The following AHCYL2 variants were observed in gnomAD, a reference collection of about 807,000 sequenced individuals.
AHCYL2 encodes S-adenosylhomocysteine hydrolase-like protein 2.
AHCYL2 carries 28 observed loss-of-function variants against 81.4 expected under a neutral mutation model. That is an observed-to-expected ratio of 0.34 (90% CI 0.25 to 0.47). The LOEUF (loss-of-function observed/expected upper bound fraction) is 0.47, where lower values mean the gene tolerates loss of function less well. AHCYL2 is among the 20% of genes least tolerant of loss of function. The pLI, the probability that AHCYL2 is intolerant of heterozygous loss-of-function variation, is 1.00. For missense variants in AHCYL2, 551 were observed against 785.1 expected (o/e 0.70, Z 3.56); for synonymous variants, 272 against 290.2 (o/e 0.94, Z 0.64).
chr7:129,225,090 T>C lies in AHCYL2; in HGVS notation c.14T>C (p.Val5Ala), dbSNP rs776837151. The C allele has an allele frequency of 4.5e-5, 72 of 1,595,612 alleles. No homozygotes were observed. The highest frequency in any genetic ancestry group is 6.0e-5 in the Non-Finnish European group (70 of 1,172,492). MSVQ[V>A]VSAAAAAKVP... ...GCGGAGGCGGTGATGTCGGTGCAGG[T>C]TGTGTCAGCCGCGGCTGCCGCCAAG... The change falls in exon 1 of 17, where the codon GTT (valine) becomes GCT (alanine). Residue 5 changes from valine (V) to alanine (A), a missense_variant. Physicochemically the swap from Val to Ala is moderately conservative, Grantham distance 64. Around this residue, in one of 2 missense-constraint regions of AHCYL2, gnomAD observed 235 missense variants for 242.1 expected, o/e 0.97. Transcript: ENST00000325006.
intron 6 of AHCYL2, 74 bp from the exon 7 acceptor site, chr7:129,403,305 G>A (rs750365342): frequency 2.3e-5 from 21 of 926,076 alleles, no homozygotes; most frequent in Non-Finnish European, 3.2e-5. Context: ...AGATTGGGAT[G>A]CAAGACCCAG....
At chr7:129,266,388 G>A (rs927899146) in intron 1 of AHCYL2, among the ~76,000 whole-genome samples, 18 of 152,272 alleles carry the variant, frequency 1.2e-4, no homozygotes, top group Admixed American at 2.6e-4. Flanking sequence ...GGGGCTGGGC[G>A]TGGTGGCTCA....
rs139327251 is a variant in AHCYL2 at position 129,374,058 on chromosome 7, A to C, written c.364-5580A>C. On this transcript the variant is annotated intron_variant, in intron 1 of 16. Transcript: ENST00000325006. ...ATTGTGACTTGATCAGGGCCCCAAG[A>C]TTATCCGGGATGATGTCATTTCTAA... Among the ~76,000 whole-genome samples the C allele has an allele frequency of 2.0e-5, 3 of 152,314 alleles. No homozygotes were observed. The East Asian group carries it at 5.8e-4, about 29-fold the overall frequency.
intron 1 of AHCYL2, among the ~76,000 whole-genome samples, chr7:129,330,081 CTTGAG>C (rs1798364594): frequency 1.3e-5 from 2 of 152,292 alleles, no homozygotes; most frequent in South Asian, 4.1e-4. Context: ...CATAGGTGAG[CTTGAG>C]CTCACCTCCT....
chr7:129,301,942 A>G (rs949315091), intron 1 of AHCYL2, among the ~76,000 whole-genome samples: 1 of 151,910 alleles, frequency 6.6e-6, no homozygotes, highest in East Asian at 1.9e-4. Context: ...TGCAATCCCT[A>G]TTATTACACT....
At chr7:129,373,416 T>A (rs1794511638) in intron 1 of AHCYL2, among the ~76,000 whole-genome samples, 1 of 150,620 alleles carries the variant, frequency 6.6e-6, no homozygotes, top group African/African-American at 2.4e-5. Context: ...CTGTCTCTAC[T>A]AAAAAAAACA....
chr7:129,315,240 C>CT (rs1563193102), intron 1 of AHCYL2, among the ~76,000 whole-genome samples: 1 of 152,088 alleles, frequency 6.6e-6, no homozygotes, highest in African/African-American at 2.4e-5. Context: ...GTAATCTTCC[C>CT]TTTTTGTATT....
At chr7:129,321,858 C>G (rs1798045462) in intron 1 of AHCYL2, among the ~76,000 whole-genome samples, 1 of 150,692 alleles carries the variant, frequency 6.6e-6, no homozygotes, top group South Asian at 2.1e-4. Context: ...TCACCTTAAC[C>G]TCCACCTCCC....
At chr7:129,265,139 A>G (rs773845847) in intron 1 of AHCYL2, among the ~76,000 whole-genome samples, 24 of 152,240 alleles carry the variant, frequency 1.6e-4, no homozygotes, top group Non-Finnish European at 2.5e-4. Context: ...CACAGGGATT[A>G]GAGACCCAGA....
intron 1 of AHCYL2, among the ~76,000 whole-genome samples, chr7:129,340,977 G>T (rs1398734801): frequency 6.6e-6 from 1 of 152,026 alleles, no homozygotes; most frequent in Non-Finnish European, 1.5e-5. Flanking sequence ...ATTTTCCTTT[G>T]TTGTACTGCC....
At chr7:129,334,869 G>T (rs1018886584) in intron 1 of AHCYL2, among the ~76,000 whole-genome samples, 11 of 152,166 alleles carry the variant, frequency 7.2e-5, no homozygotes, top group African/African-American at 2.7e-4. Flanking sequence ...GGAAGAAGAA[G>T]ATACAAAGAA....
chr7:129,227,608 CAAAAAAAAA>C (rs57256611), intron 1 of AHCYL2, among the ~76,000 whole-genome samples: 2 of 80,764 alleles, frequency 2.5e-5, no homozygotes, highest in Admixed American at 1.5e-4. Flanking sequence ...GACCTTGTCT[CAAAAAAAAA>C]AAAAAAAAAA....
At chr7:129,400,562 G>A (rs924402943) in intron 6 of AHCYL2, among the ~76,000 whole-genome samples, 178 bp downstream of exon 6, 4 of 152,162 alleles carry the variant, frequency 2.6e-5, no homozygotes, top group Non-Finnish European at 4.4e-5. Flanking sequence ...CAAGAGTATT[G>A]AAGCTCTTAT....
At chr7:129,278,763 CTTT>C (rs36037913) in intron 1 of AHCYL2, among the ~76,000 whole-genome samples, 3 of 111,380 alleles carry the variant, frequency 2.7e-5, no homozygotes, top group Non-Finnish European at 3.6e-5. Flanking sequence ...TATTGAAGCT[CTTT>C]TTTTTTTTTT....
rs1290820777 is a variant in AHCYL2, at chr7:129,266,164, A to G, written c.363+40725A>G. On this transcript the variant is annotated intron_variant, in intron 1 of 16. Transcript: ENST00000325006. ...CTCAGTGCACATTTAACTAGTTTTCAATACATTCGCTATTTTGCTCAGCCA... is the reference window on the plus strand; with the variant it reads ...CTCAGTGCACATTTAACTAGTTTTCGATACATTCGCTATTTTGCTCAGCCA... Among the ~76,000 whole-genome samples, 6 of 152,172 alleles carry G rather than the reference A, an allele frequency of 3.9e-5. No individual in the cohort carries two copies. The East Asian group carries it at 1.2e-3, about 29-fold the overall frequency.
chr7:129,393,670 T>C (rs1247181869), intron 4 of AHCYL2, among the ~76,000 whole-genome samples: 1 of 152,222 alleles, frequency 6.6e-6, no homozygotes, highest in South Asian at 2.1e-4. Context: ...TTTTGATATA[T>C]CCCTTTCATT....
In AHCYL2 at chr7:129,389,857, T is replaced by C; in HGVS notation, c.720+123T>C. On this transcript the variant is annotated intron_variant, in intron 4 of 16. Coordinates refer to ENST00000325006, the MANE Select transcript of AHCYL2 (RefSeq NM_015328.4). ...ACAAGTATTAGCTTATTAATCCTTA[T>C]AATGGCCATATAAAGCAGGTATTCT... 17 of 686,400 alleles carry C rather than the reference T, an allele frequency of 2.5e-5. 1 individual carries two copies. The South Asian group carries it at 3.0e-4, about 12-fold the overall frequency. 42.5% of individuals were successfully genotyped at this position (686,400 alleles called of 1,614,324 possible). A position where few individuals can be genotyped will look rare whatever the true frequency, so the allele number is the denominator to read the frequency against.
intron 1 of AHCYL2, among the ~76,000 whole-genome samples, chr7:129,234,007 C>T (rs1794544412): frequency 1.3e-5 from 2 of 151,928 alleles, no homozygotes; most frequent in African/African-American, 4.8e-5. Flanking sequence ...CCCCTTCCTC[C>T]TCCTTTCTTT....
intron 1 of AHCYL2, among the ~76,000 whole-genome samples, chr7:129,365,300 A>AT (rs895328228): frequency 3.3e-5 from 5 of 152,206 alleles, no homozygotes; most frequent in African/African-American, 1.2e-4. Context: ...AAACGAATGC[A>AT]TTTTGATTTG....
Sources: gnomAD v4.1 joint callset for allele counts (sites outside exome capture counted in the v4.1 genomes callset) on GRCh38, gnomAD v4.1.1 for gene constraint, gnomAD v4.1.1 regional missense constraint, MANE v1.5 for transcripts, NCBI Gene and HGNC (gene_info 2026-07-23, HGNC 2026-07-21) for gene names.